GPC5: variants seen among roughly 807,000 people sequenced by gnomAD.
GPC5 encodes the protein glypican-5.
GPC5 carries 47 observed loss-of-function variants against 53.9 expected under a neutral mutation model. The observed-to-expected ratio is 0.87, with a 90% CI of 0.69 to 1.11. GPC5 has a LOEUF of 1.11. GPC5 is among the 50% of genes most tolerant of loss of function. The pLI is 0.00. For synonymous variants in GPC5, 286 were observed against 263.3 expected, an observed-to-expected ratio of 1.09 and a Z score of -0.84; for missense variants, 748 against 713.1, an observed-to-expected ratio of 1.05 and a Z score of -0.56.
At chr13:91,759,527 T>A (rs766111006) in intron 5 of GPC5, among the ~76,000 whole-genome samples, 12 of 152,138 alleles carry the variant, frequency 7.9e-5, no homozygotes, top group Admixed American at 1.3e-4. Flanking sequence ...CTCTTCCCAC[T>A]ACTCTACCCA....
intron 7 of GPC5, among the ~76,000 whole-genome samples, chr13:92,456,611 T>C (rs925867917): frequency 1.3e-5 from 2 of 152,176 alleles, no homozygotes; most frequent in African/African-American, 4.8e-5. Context: ...TTCAACCAAA[T>C]GTGGACCCTT....
At chr13:91,979,341 T>G (rs1428618593) in intron 6 of GPC5, among the ~76,000 whole-genome samples, 1 of 152,304 alleles carries the variant, frequency 6.6e-6, no homozygotes, top group East Asian at 1.9e-4. Context: ...TTTAATACAT[T>G]ACAAATTCAT....
chr13:92,545,071 C>G (rs1882059880), intron 7 of GPC5, among the ~76,000 whole-genome samples: 1 of 152,078 alleles, frequency 6.6e-6, no homozygotes, highest in South Asian at 2.1e-4. Flanking sequence ...CCTCCCCCCT[C>G]ACCCCACCCC....
intron 6 of GPC5, among the ~76,000 whole-genome samples, chr13:92,056,608 T>C (rs2041076481): frequency 6.6e-6 from 1 of 152,214 alleles, no homozygotes. Context: ...CTTCAATGTC[T>C]TTTTTCTGTA....
intron 7 of GPC5, among the ~76,000 whole-genome samples, chr13:92,270,036 T>G (rs2042829290): frequency 6.6e-6 from 1 of 152,108 alleles, no homozygotes; most frequent in African/African-American, 2.4e-5. Flanking sequence ...ACATGGGAAC[T>G]GTGGTTCAGG....
chr13:92,693,717 A>C (rs760425297), intron 7 of GPC5, among the ~76,000 whole-genome samples: 128 of 152,248 alleles, frequency 8.4e-4, no homozygotes, highest in Admixed American at 1.7e-3. Context: ...AAGAGAGCAT[A>C]AAAGTTTGGA....
chr13:92,007,300 A>G (rs1411698153), intron 6 of GPC5, among the ~76,000 whole-genome samples: 4 of 152,342 alleles, frequency 2.6e-5, no homozygotes, highest in South Asian at 4.1e-4. Context: ...TCTACTAATC[A>G]TAACAGTAGA....
intron 7 of GPC5, among the ~76,000 whole-genome samples, chr13:92,275,970 A>G (rs2042872284): frequency 6.6e-6 from 1 of 152,124 alleles, no homozygotes; most frequent in Admixed American, 6.6e-5. Context: ...AGGAAAACAT[A>G]TGAGTGATAA....
At chr13:91,533,540 C>T (rs961860244) in intron 2 of GPC5, among the ~76,000 whole-genome samples, 4 of 151,880 alleles carry the variant, frequency 2.6e-5, no homozygotes, top group East Asian at 3.9e-4. Context: ...CAGACAGTGG[C>T]GGGGAAGATA....
intron 7 of GPC5, among the ~76,000 whole-genome samples, chr13:92,153,586 A>T (rs908257278): frequency 6.6e-6 from 1 of 152,224 alleles, no homozygotes; most frequent in Non-Finnish European, 1.5e-5. Context: ...TCTGGAAAGT[A>T]TCTCTTGATA....
At chr13:92,840,917 T>C (rs907655414) in intron 7 of GPC5, among the ~76,000 whole-genome samples, 4 of 152,160 alleles carry the variant, frequency 2.6e-5, no homozygotes, top group Non-Finnish European at 5.9e-5. Flanking sequence ...ATTTTTGATG[T>C]ACAGAAACAC....
intron 7 of GPC5, among the ~76,000 whole-genome samples, chr13:92,403,883 GAAAC>G (rs1294063007): frequency 1.3e-5 from 2 of 151,996 alleles, no homozygotes; most frequent in African/African-American, 2.4e-5. Context: ...TTCTTCAAAA[GAAAC>G]AAACACAAAT....
At chr13:91,983,994 T>A (rs972153734) in intron 6 of GPC5, among the ~76,000 whole-genome samples, 1 of 152,202 alleles carries the variant, frequency 6.6e-6, no homozygotes, top group Non-Finnish European at 1.5e-5. Flanking sequence ...ACTGCTTGGA[T>A]GAGCGTGGTC....
At chr13:91,495,699 C>T (rs1317378848) in intron 2 of GPC5, among the ~76,000 whole-genome samples, 1 of 152,212 alleles carries the variant, frequency 6.6e-6, no homozygotes, top group Non-Finnish European at 1.5e-5. Flanking sequence ...ATTCAGAACA[C>T]TCCTTTCCAA....
intron 7 of GPC5, among the ~76,000 whole-genome samples, chr13:92,548,818 C>A (rs984290728): frequency 1.3e-5 from 2 of 152,030 alleles, no homozygotes; most frequent in African/African-American, 4.8e-5. Context: ...ATTGGAAACC[C>A]ATTTCCCAAG....
intron 7 of GPC5, among the ~76,000 whole-genome samples, chr13:92,506,558 A>T (rs1160930241): frequency 6.6e-6 from 1 of 152,206 alleles, no homozygotes; most frequent in Non-Finnish European, 1.5e-5. Context: ...AATATGATTT[A>T]GACACAACAG....
chr13:91,634,092 T>C (rs903786106), intron 2 of GPC5, among the ~76,000 whole-genome samples: 4 of 152,116 alleles, frequency 2.6e-5, no homozygotes, highest in Non-Finnish European at 4.4e-5. Flanking sequence ...ACATCATTTA[T>C]TGGCTTCCTC....
intron 5 of GPC5, among the ~76,000 whole-genome samples, chr13:91,873,014 C>T (rs1212033300): frequency 6.6e-6 from 1 of 152,104 alleles, no homozygotes; most frequent in Non-Finnish European, 1.5e-5. Context: ...ATCTTTCTTA[C>T]ACCAAAAGTG....
In GPC5 at chr13:91,435,424, T is replaced by G. The variant is rs372208037; in HGVS notation, c.164-13337T>G. 3.9e-5 allele frequency among the ~76,000 whole-genome samples: 6 copies of G among 152,358 alleles called. No homozygotes were observed. The East Asian group carries it at 9.6e-4, about 25-fold the overall frequency. On this transcript the variant is annotated intron_variant, in intron 1 of 7. Transcript: ENST00000377067. ...TTGTTGAATTTTGTCAAAGACCTTT[T>G]CTGCATCTACTGAGATAATCATATG... is the stretch of plus-strand genomic sequence containing the variant.
Sources: gnomAD v4.1 joint callset for allele counts (sites outside exome capture counted in the v4.1 genomes callset) on GRCh38, gnomAD v4.1.1 for gene constraint, MANE v1.5 for transcripts, NCBI Gene and HGNC (gene_info 2026-07-23, HGNC 2026-07-21) for gene names.